The following NR6A1 variants were observed in gnomAD, a reference collection of about 807,000 sequenced individuals.
NR6A1 encodes the protein nuclear receptor subfamily 6 group A member 1.
A neutral mutation model predicts 59.1 loss-of-function variants in NR6A1; 7 were observed. The ratio of observed to expected loss-of-function variants is 0.12; its 90% CI spans 0.07 to 0.22. The LOEUF is 0.22. Ranked by LOEUF, NR6A1 falls within the 10% of genes least tolerant of loss-of-function variation. The pLI, the probability that NR6A1 is intolerant of heterozygous loss-of-function variation, is 1.00. For synonymous variants in NR6A1, 243 were observed against 236.1 expected (o/e 1.03, Z -0.27); for missense variants, 468 against 611.6 (o/e 0.77, Z 2.48).
intron 5 of NR6A1, among the ~76,000 whole-genome samples, chr9:124,539,521 A>C (rs937257915): frequency 6.6e-6 from 1 of 152,258 alleles, no homozygotes; most frequent in Admixed American, 6.5e-5. Context: ...TAGCTGAAGG[A>C]TCTATTTCAC....
intron 2 of NR6A1, among the ~76,000 whole-genome samples, chr9:124,695,616 C>T (rs938387249): frequency 1.3e-5 from 2 of 152,112 alleles, no homozygotes; most frequent in Non-Finnish European, 2.9e-5. Flanking sequence ...GTGATCCGCC[C>T]GCCTCGGCCG....
rs71372976 is a variant in NR6A1 at position 124,590,061 on chromosome 9, C to CAAAAAAAAAAAAAAAAAA, written c.143-35509_143-35492dup. 1.3e-4 allele frequency among the ~76,000 whole-genome samples: 4 copies of CAAAAAAAAAAAAAAAAAA among 30,892 alleles called. 1 individual carries two copies. The highest frequency in any genetic ancestry group is 2.1e-4 in the African/African-American group (2 of 9,582). The allele number at this position is 30,892 out of a possible 152,430, so 20.3% of individuals were successfully genotyped here. On this transcript the variant is annotated intron_variant, in intron 2 of 9. Coordinates refer to ENST00000487099, the MANE Select transcript of NR6A1 (RefSeq NM_033334.4). ...GCCTGGTGACAGAGCAAGACTCTGTCAAAAAAAAAAAAAAAAAAAAAAAAA... is the reference window on the plus strand; with the variant it reads ...GCCTGGTGACAGAGCAAGACTCTGTCAAAAAAAAAAAAAAAAAAAAAAAAAAAAAAAAAAAAAAAAAAA...
intron 2 of NR6A1, among the ~76,000 whole-genome samples, chr9:124,696,972 A>C (rs536179641): frequency 6.6e-6 from 1 of 152,148 alleles, no homozygotes; most frequent in African/African-American, 2.4e-5. Flanking sequence ...ATCTTTCTTC[A>C]CTTAAAATAT....
In NR6A1 at chr9:124,600,534, T is replaced by G. The variant is rs531778000; in HGVS notation, c.143-45964A>C. ...TCCAATTCTACAAACACTCATGGAGTGTCTCCTATGAGCTAGGCACTATGC... is the reference window on the plus strand; with the variant it reads ...TCCAATTCTACAAACACTCATGGAGGGTCTCCTATGAGCTAGGCACTATGC... On this transcript the variant is annotated intron_variant, in intron 2 of 9. Transcript: ENST00000487099. 3.3e-5 allele frequency among the ~76,000 whole-genome samples: 5 copies of G among 152,172 alleles called. No homozygotes were observed. The South Asian group carries it at 8.3e-4, about 25-fold the overall frequency.
chr9:124,727,362 T>G (rs1456325049), intron 2 of NR6A1, among the ~76,000 whole-genome samples: 2 of 152,240 alleles, frequency 1.3e-5, no homozygotes, highest in African/African-American at 4.8e-5. Flanking sequence ...TGTGATTTTT[T>G]TATAAAGTAG....
chr9:124,676,009 T>C (rs1488506389), intron 2 of NR6A1, among the ~76,000 whole-genome samples: 3 of 152,186 alleles, frequency 2.0e-5, no homozygotes, highest in Non-Finnish European at 4.4e-5. Context: ...CCTGAATAGA[T>C]ACCCACGCTA....
intron 4 of NR6A1, 24 bp downstream of exon 4, chr9:124,543,778 C>A: frequency 6.2e-7 from 1 of 1,603,730 alleles, no homozygotes; most frequent in South Asian, 1.1e-5. Context: ...GGACGGACCA[C>A]AGAGACTGAG....
At chr9:124,658,788 T>C (rs1837335535) in intron 2 of NR6A1, 1 of 152,174 alleles carries the variant, frequency 6.6e-6, no homozygotes, top group Non-Finnish European at 1.5e-5. Flanking sequence ...CATTTTAAAA[T>C]TGAATCTGTT....
chr9:124,551,401 T>A (rs1266758246), intron 3 of NR6A1, among the ~76,000 whole-genome samples: 1 of 152,244 alleles, frequency 6.6e-6, no homozygotes, highest in Admixed American at 6.5e-5. Flanking sequence ...TGCTGATTTA[T>A]AACTTCTTTC....
chr9:124,733,464 T>C, intron 1 of NR6A1, 115 bp from the exon 2 acceptor site: 1 of 787,478 alleles, frequency 1.3e-6, no homozygotes, highest in South Asian at 1.5e-5. Context: ...TCAATTTGGG[T>C]TTCAATCCTA....
chr9:124,628,956 G>A (rs969972308), intron 2 of NR6A1, among the ~76,000 whole-genome samples: 3 of 152,262 alleles, frequency 2.0e-5, no homozygotes, highest in African/African-American at 4.8e-5. Context: ...CACCGCCCCC[G>A]GCCCTGGCCT....
chr9:124,643,772 AAAAG>A (rs1161312628), intron 2 of NR6A1, among the ~76,000 whole-genome samples: 2 of 150,656 alleles, frequency 1.3e-5, no homozygotes, highest in Non-Finnish European at 2.9e-5. Flanking sequence ...AAAAAAAAAA[AAAAG>A]AGAGAGAGAG....
intron 1 of NR6A1, among the ~76,000 whole-genome samples, chr9:124,770,511 G>A (rs1841106473): frequency 6.6e-6 from 1 of 151,438 alleles, no homozygotes; most frequent in Non-Finnish European, 1.5e-5. Context: ...AGAAGGGAGC[G>A]TCCTCGGTGG....
At chr9:124,699,649 T>A (rs1838873634) in intron 2 of NR6A1, among the ~76,000 whole-genome samples, 2 of 152,374 alleles carry the variant, frequency 1.3e-5, no homozygotes, top group South Asian at 4.1e-4. Context: ...ATAATTCACA[T>A]GCAATTAAAT....
intron 2 of NR6A1, among the ~76,000 whole-genome samples, chr9:124,732,362 CT>C (rs1454760475): frequency 1.3e-5 from 2 of 152,228 alleles, no homozygotes; most frequent in Non-Finnish European, 2.9e-5. Context: ...TCTGTATACA[CT>C]GGATACTCCC....
At position 124,596,997 on chromosome 9, in the gene NR6A1, C is replaced by T. The variant is rs111929640; in HGVS notation, c.143-42427G>A. Among the ~76,000 whole-genome samples the T allele has an allele frequency of 4.6e-3, 697 of 152,334 alleles. 3 individuals carry two copies. The highest frequency in any genetic ancestry group is 0.016 in the African/African-American group (671 of 41,558). On this transcript the variant is annotated intron_variant, in intron 2 of 9. Transcript: ENST00000487099. Reference sequence around the variant, plus strand: ...TTAGGAATAACTTAAAGGCTATGCACACTTTACAGCTGTATTCCAGAAAAA... The same window carrying T: ...TTAGGAATAACTTAAAGGCTATGCATACTTTACAGCTGTATTCCAGAAAAA...
intron 2 of NR6A1, among the ~76,000 whole-genome samples, chr9:124,663,517 C>A (rs77615867): frequency 0.018 from 2,692 of 152,210 alleles, 68 homozygotes; most frequent in African/African-American, 0.06. Context: ...AAATATCAAT[C>A]CCTTCCTGCC....
chr9:124,546,061 A>G lies in NR6A1; in HGVS notation c.386-2204T>C, dbSNP rs1833590074. 2.6e-5 allele frequency among the ~76,000 whole-genome samples: 4 copies of G among 152,184 alleles called. No individual in the cohort carries two copies. In the South Asian group the frequency reaches 8.3e-4, roughly 32 times the overall value. On this transcript the variant is annotated intron_variant, in intron 3 of 9. Transcript: ENST00000487099. ...ACCCGGGAGGTGGAGGTTGCGGTGA[A>G]CTGAGATGGTGCTATTGCACTCCAG...
intron 2 of NR6A1, among the ~76,000 whole-genome samples, chr9:124,659,472 C>T (rs148179234): frequency 1.2e-3 from 181 of 152,244 alleles, no homozygotes; most frequent in African/African-American, 4.1e-3. Flanking sequence ...CATATGGAAT[C>T]AGAAAATACC....
Sources: allele counts gnomAD v4.1 joint callset (sites outside exome capture counted in the v4.1 genomes callset), GRCh38; gene constraint gnomAD v4.1.1; transcripts MANE v1.5; gene names NCBI Gene and HGNC (gene_info 2026-07-23, HGNC 2026-07-21).